Variants in CCSER1 observed in about 807,000 individuals in gnomAD.
The protein encoded by CCSER1 is serine-rich coiled-coil domain-containing protein 1.
Under a neutral mutation model 82.0 loss-of-function variants are expected in CCSER1, and 41 were observed. That is an observed-to-expected ratio of 0.50 (90% CI 0.39 to 0.65). CCSER1 has a LOEUF of 0.65. Ranked by LOEUF, CCSER1 falls within the 30% of genes least tolerant of loss-of-function variation. The probability of loss-of-function intolerance (pLI) is 0.00; values close to 1 mark genes in which losing one functional copy is unlikely to be tolerated. For missense variants in CCSER1, 1,119 were observed against 1,064.2 expected, an observed-to-expected ratio of 1.05 and a Z score of -0.72; for synonymous variants, 414 against 383.9, an observed-to-expected ratio of 1.08 and a Z score of -0.92.
Position 90,933,409 on chromosome 4 carries a change from A to T in CCSER1, c.2172+9962A>T, listed in dbSNP as rs563478623. ...TCACCGTGTTAGCCAGGATGGTCTC[A>T]ATCTCCTGACCTCATGATCCGCCCA... On this transcript the variant is annotated intron_variant, in intron 9 of 10. Transcript: ENST00000509176. 6.1e-4 allele frequency among the ~76,000 whole-genome samples: 92 copies of T among 151,194 alleles called. 3 individuals are homozygous for T. The highest frequency in any genetic ancestry group is 3.8e-4 in the Non-Finnish European group (26 of 67,880).
chr4:90,835,286 A>C (rs1413257424), intron 8 of CCSER1, among the ~76,000 whole-genome samples: 2 of 152,188 alleles, frequency 1.3e-5, no homozygotes, highest in Non-Finnish European at 2.9e-5. Flanking sequence ...AGCCGAGATG[A>C]CGCCACTGCA....
At chr4:90,152,799 G>A (rs1256250541) in intron 1 of CCSER1, among the ~76,000 whole-genome samples, 1 of 151,810 alleles carries the variant, frequency 6.6e-6, no homozygotes, top group Non-Finnish European at 1.5e-5. Flanking sequence ...GATGGGAGGT[G>A]CTTAAGCTTT....
intron 1 of CCSER1, among the ~76,000 whole-genome samples, chr4:90,281,304 G>A (rs1463282127): frequency 6.6e-6 from 1 of 151,894 alleles, no homozygotes; most frequent in Admixed American, 6.6e-5. Flanking sequence ...AAAGATGGAG[G>A]GTAGGACAGG....
intron 10 of CCSER1, among the ~76,000 whole-genome samples, chr4:91,594,395 A>T (rs1386260727): frequency 3.6e-5 from 5 of 140,202 alleles, no homozygotes; most frequent in Non-Finnish European, 7.7e-5. Context: ...ATATATACAT[A>T]TATACACATA....
At chr4:91,222,473 A>G (rs753638304) in intron 10 of CCSER1, among the ~76,000 whole-genome samples, 3 of 152,190 alleles carry the variant, frequency 2.0e-5, no homozygotes, top group Non-Finnish European at 4.4e-5. Flanking sequence ...GAACTTATCT[A>G]TTCCTCATAC....
At chr4:90,990,622 G>T (rs1046140869) in intron 9 of CCSER1, among the ~76,000 whole-genome samples, 4 of 151,896 alleles carry the variant, frequency 2.6e-5, no homozygotes, top group African/African-American at 9.7e-5. Context: ...AGTGCTTCCT[G>T]CAGGTCTAGA....
chr4:90,893,255 A>G (rs1723207757), intron 8 of CCSER1, among the ~76,000 whole-genome samples: 1 of 152,074 alleles, frequency 6.6e-6, no homozygotes, highest in African/African-American at 2.4e-5. Context: ...CAAGCAAGAA[A>G]CGACTCTACT....
chr4:90,812,362 G>A (rs6815563), intron 7 of CCSER1, among the ~76,000 whole-genome samples: 3,761 of 152,220 alleles, frequency 0.025, 136 homozygotes, highest in African/African-American at 0.082. Flanking sequence ...TCAATCCAAT[G>A]AATTTGATAC....
chr4:91,343,341 C>T (rs1436111833), intron 10 of CCSER1, among the ~76,000 whole-genome samples: 2 of 152,104 alleles, frequency 1.3e-5, no homozygotes, highest in African/African-American at 4.8e-5. Context: ...ATATGCTTGA[C>T]AGCTTTTTCT....
At chr4:90,316,827 C>T (rs1015050960) in intron 3 of CCSER1, among the ~76,000 whole-genome samples, 1 of 152,108 alleles carries the variant, frequency 6.6e-6, no homozygotes, top group East Asian at 1.9e-4. Flanking sequence ...AGCGAAAGGA[C>T]AGGATGTATG....
chr4:91,573,772 C>T (rs1763305824), intron 10 of CCSER1, among the ~76,000 whole-genome samples: 1 of 152,096 alleles, frequency 6.6e-6, no homozygotes, highest in Non-Finnish European at 1.5e-5. Context: ...TTTACTTGCC[C>T]CTTCCATTCC....
chr4:91,494,535 A>G (rs1217243248), intron 10 of CCSER1, among the ~76,000 whole-genome samples: 1 of 151,832 alleles, frequency 6.6e-6, no homozygotes, highest in Admixed American at 6.6e-5. Context: ...CAAAAAGAGT[A>G]CTAAGAAATA....
At chr4:90,384,124 CATTTTATTTTATTTT>C (rs562501783) in intron 3 of CCSER1, among the ~76,000 whole-genome samples, 1 of 151,154 alleles carries the variant, frequency 6.6e-6, no homozygotes, top group Non-Finnish European at 1.5e-5. Context: ...TTGGTGCAAT[CATTTTATTTTATTTT>C]ATTTTATTTT....
intron 10 of CCSER1, among the ~76,000 whole-genome samples, chr4:91,216,657 C>T (rs889255094): frequency 3.3e-5 from 5 of 152,140 alleles, no homozygotes; most frequent in Non-Finnish European, 7.4e-5. Context: ...GTTTAAGAGA[C>T]TTTCCCTTAG....
intron 10 of CCSER1, among the ~76,000 whole-genome samples, chr4:91,283,889 A>G (rs561616558): frequency 2.1e-4 from 32 of 152,122 alleles, no homozygotes; most frequent in Non-Finnish European, 3.8e-4. Flanking sequence ...TGTTGTAAAC[A>G]TGACTGTGTT....
At chr4:90,308,162 C>A in intron 1 of CCSER1, 82 bp from the exon 2 acceptor site, 1 of 1,070,316 alleles carries the variant, frequency 9.3e-7, no homozygotes, top group Non-Finnish European at 1.3e-6. Context: ...TTTTGTGTCT[C>A]GAAAAGCAAT....
intron 10 of CCSER1, among the ~76,000 whole-genome samples, chr4:91,132,644 A>G (rs1201469950): frequency 6.6e-6 from 1 of 152,234 alleles, no homozygotes; most frequent in Non-Finnish European, 1.5e-5. Flanking sequence ...AAGCAGACAT[A>G]TGTAAGCAAT....
intron 9 of CCSER1, among the ~76,000 whole-genome samples, chr4:91,082,078 C>T (rs922678044): frequency 2.0e-5 from 3 of 152,074 alleles, no homozygotes; most frequent in Admixed American, 1.3e-4. Context: ...AAATTTCATA[C>T]GGAACCACAA....
At chr4:90,211,450 C>T (rs1286584519) in intron 1 of CCSER1, among the ~76,000 whole-genome samples, 2 of 152,160 alleles carry the variant, frequency 1.3e-5, no homozygotes, top group Non-Finnish European at 2.9e-5. Context: ...TTGAGTGTTG[C>T]TCACAGGTAT....
Sources: allele counts gnomAD v4.1 joint callset (sites outside exome capture counted in the v4.1 genomes callset), GRCh38; gene constraint gnomAD v4.1.1; transcripts MANE v1.5; gene names NCBI Gene and HGNC (gene_info 2026-07-23, HGNC 2026-07-21).